The following ENTHD1 variants were observed in gnomAD, a reference collection of about 807,000 sequenced individuals.
ENTHD1 encodes ENTH domain-containing protein 1.
Under a neutral mutation model 39.1 loss-of-function variants are expected in ENTHD1, and 23 were observed. That is an observed-to-expected ratio of 0.59 (90% CI 0.42 to 0.83). ENTHD1 has a LOEUF of 0.83. Ranked by LOEUF, ENTHD1 falls within the 40% of genes least tolerant of loss-of-function variation. ENTHD1 has a pLI of 0.00. For synonymous variants in ENTHD1, 230 were observed against 258.2 expected (o/e 0.89, Z 1.05); for missense variants, 624 against 705.4 (o/e 0.88, Z 1.31).
At chr22:39,762,512 C>T (rs915746434) in intron 6 of ENTHD1, among the ~76,000 whole-genome samples, 3 of 152,022 alleles carry the variant, frequency 2.0e-5, no homozygotes, top group Non-Finnish European at 2.9e-5. Context: ...AGCGCAGTGG[C>T]ATGATAATGG....
At chr22:39,815,414 G>T (rs1026365926) in intron 5 of ENTHD1, among the ~76,000 whole-genome samples, 1 of 151,300 alleles carries the variant, frequency 6.6e-6, no homozygotes, top group South Asian at 2.1e-4. Context: ...TTGGACTCCA[G>T]CCTGGGCAAC....
chr22:39,815,925 G>A (rs1016573268), intron 5 of ENTHD1, among the ~76,000 whole-genome samples: 1 of 152,176 alleles, frequency 6.6e-6, no homozygotes, highest in African/African-American at 2.4e-5. Context: ...TATATATTGT[G>A]TAGAGTATAA....
At chr22:39,888,705 C>T (rs1184039991) in intron 1 of ENTHD1, among the ~76,000 whole-genome samples, 3 of 151,964 alleles carry the variant, frequency 2.0e-5, no homozygotes, top group South Asian at 2.1e-4. Flanking sequence ...GGATTATAGC[C>T]GTGAGCCACC....
chr22:39,854,337 A>C (rs1394645783), intron 3 of ENTHD1, among the ~76,000 whole-genome samples: 1 of 152,218 alleles, frequency 6.6e-6, no homozygotes, highest in Non-Finnish European at 1.5e-5. Flanking sequence ...AAATTTTTCC[A>C]TGATATGGAA....
chr22:39,867,048 G>A lies in ENTHD1; in HGVS notation c.350-5041C>T, dbSNP rs188890886. Among the ~76,000 whole-genome samples the A allele has an allele frequency of 2.0e-5, 3 of 152,014 alleles. No homozygotes were observed. Among genetic ancestry groups the A allele is most frequent in the Admixed American group, 6.6e-5 (1 of 15,262 alleles). On this transcript the variant is annotated intron_variant, in intron 2 of 6. Coordinates refer to ENST00000325157, the MANE Select transcript of ENTHD1 (RefSeq NM_152512.4). This position sits in a 1 kb window ranked among gnomAD's most constrained non-coding sequence, Gnocchi z 4.5. The stretch of plus-strand genomic sequence containing the variant: ...CTCCGGAGTAGCTGGGACTACAGGC[G>A]CCCGCCACCAGGCCCGGCTAATTTT...
rs1042198110 is a variant in ENTHD1, at chr22:39,867,741, C to T, written c.350-5734G>A. Among the ~76,000 whole-genome samples the T allele has an allele frequency of 2.0e-5, 3 of 151,838 alleles. No homozygotes were observed. Among genetic ancestry groups the T allele is most frequent in the Non-Finnish European group, 4.4e-5 (3 of 67,972 alleles). ...AAACCTTCAGTTGGTTGCAGTGAGCCGAGATCGCGCCATTGCACTCCAGCC... is the reference window on the plus strand; with the variant it reads ...AAACCTTCAGTTGGTTGCAGTGAGCTGAGATCGCGCCATTGCACTCCAGCC... On this transcript the variant is annotated intron_variant, in intron 2 of 6. Transcript: ENST00000325157. This position sits in a 1 kb window ranked among gnomAD's most constrained non-coding sequence, Gnocchi z 4.5.
At chr22:39,886,277 G>A (rs1287386955) in intron 2 of ENTHD1, among the ~76,000 whole-genome samples, 1 of 152,112 alleles carries the variant, frequency 6.6e-6, no homozygotes, top group Non-Finnish European at 1.5e-5. Context: ...AGGATGAATA[G>A]GTGGAACACA....
At chr22:39,864,595 C>T (rs2066169596) in intron 2 of ENTHD1, among the ~76,000 whole-genome samples, 1 of 152,136 alleles carries the variant, frequency 6.6e-6, no homozygotes, top group African/African-American at 2.4e-5. Flanking sequence ...ACACTGATAT[C>T]TTCAGTGTCT....
At chr22:39,751,683 A>G (rs2065148479) in intron 6 of ENTHD1, among the ~76,000 whole-genome samples, 1 of 152,226 alleles carries the variant, frequency 6.6e-6, no homozygotes, top group South Asian at 2.1e-4. Context: ...ATTTTCAAAG[A>G]GGATAAAATT....
chr22:39,796,205 C>A (rs1569144111), intron 5 of ENTHD1, among the ~76,000 whole-genome samples: 2 of 151,844 alleles, frequency 1.3e-5, no homozygotes, highest in Admixed American at 1.3e-4. Flanking sequence ...ATAATCTTCC[C>A]CCTCTTACTA....
At chr22:39,824,201 C>CTTTTTTTTTTTTT (rs71197195) in intron 4 of ENTHD1, among the ~76,000 whole-genome samples, 1 of 71,414 alleles carries the variant, frequency 1.4e-5, no homozygotes. Flanking sequence ...TTGTCCAGTT[C>CTTTTTTTTTTTTT]TTTTTTTTTT....
At chr22:39,830,327 G>A (rs188129761) in intron 4 of ENTHD1, among the ~76,000 whole-genome samples, 6 of 152,104 alleles carry the variant, frequency 3.9e-5, no homozygotes, top group East Asian at 3.9e-4. Context: ...CGTCCACCTC[G>A]GCCTCCCAAA....
intron 5 of ENTHD1, among the ~76,000 whole-genome samples, chr22:39,809,620 C>A (rs915856398): frequency 6.6e-6 from 1 of 152,174 alleles, no homozygotes; most frequent in Non-Finnish European, 1.5e-5. Flanking sequence ...TGCTCAGCCA[C>A]CTTTTAATTG....
chr22:39,819,314 G>A (rs2065759987), intron 5 of ENTHD1, among the ~76,000 whole-genome samples: 1 of 151,756 alleles, frequency 6.6e-6, no homozygotes, highest in South Asian at 2.1e-4. Context: ...GCGGTGAGCC[G>A]AGATCGCGCC....
intron 5 of ENTHD1, among the ~76,000 whole-genome samples, chr22:39,795,059 T>G (rs1195116134): frequency 9.9e-5 from 15 of 152,218 alleles, no homozygotes; most frequent in Non-Finnish European, 8.8e-5. Flanking sequence ...TGATGTGGTA[T>G]ATATTTATTG....
chr22:39,886,075 A>C (rs954207644), intron 2 of ENTHD1, among the ~76,000 whole-genome samples: 2 of 152,118 alleles, frequency 1.3e-5, no homozygotes, highest in African/African-American at 4.8e-5. Context: ...TTTTTAAAAA[A>C]AGGGAAGAAA....
intron 2 of ENTHD1, among the ~76,000 whole-genome samples, chr22:39,869,980 G>GTACT (rs1181468759): frequency 1.7e-5 from 2 of 116,360 alleles, no homozygotes; most frequent in African/African-American, 6.1e-5. Context: ...TTGGAGAACA[G>GTACT]TACTTTATTT....
At chr22:39,864,654 G>A (rs1304694540) in intron 2 of ENTHD1, among the ~76,000 whole-genome samples, 1 of 152,138 alleles carries the variant, frequency 6.6e-6, no homozygotes, top group South Asian at 2.1e-4. Context: ...TTTACTGAGT[G>A]ACCAAGGTGG....
chr22:39,815,549 A>C (rs552320365), intron 5 of ENTHD1, among the ~76,000 whole-genome samples: 1 of 152,352 alleles, frequency 6.6e-6, no homozygotes, highest in East Asian at 1.9e-4. Context: ...AACTGCAACT[A>C]GAACTTTGGA....
Sources: gnomAD v4.1 joint callset for allele counts (sites outside exome capture counted in the v4.1 genomes callset) on GRCh38, gnomAD v4.1.1 for gene constraint, Gnocchi (gnomAD v3.1) non-coding constraint, MANE v1.5 for transcripts, NCBI Gene and HGNC (gene_info 2026-07-23, HGNC 2026-07-21) for gene names.